ATAD1: variants seen among roughly 807,000 people sequenced by gnomAD.
ATAD1 encodes the protein outer mitochondrial transmembrane helix translocase.
Under a neutral mutation model 42.7 loss-of-function variants are expected in ATAD1, and 18 were observed. That is an observed-to-expected ratio of 0.42 (90% CI 0.29 to 0.63). The LOEUF is 0.63. Ranked by LOEUF, ATAD1 falls within the 20% of genes least tolerant of loss-of-function variation. The pLI is 0.19. For synonymous variants in ATAD1, 132 were observed against 143.1 expected (o/e 0.92, Z 0.55); for missense variants, 294 against 440.4 (o/e 0.67, Z 2.98).
chr10:87,818,423 C>T, upstream of ATAD1: 1 of 221,338 alleles, frequency 4.5e-6, no homozygotes, highest in Non-Finnish European at 7.6e-6. Context: ...TGTCTGCGAG[C>T]AGCACTCGCT....
chr10:87,785,218 G>T (rs1855769497), intron 4 of ATAD1, among the ~76,000 whole-genome samples: 1 of 152,034 alleles, frequency 6.6e-6, no homozygotes, highest in East Asian at 1.9e-4. Context: ...ATTAACCTAT[G>T]GTCTCCATTA....
At chr10:87,825,551 C>T (rs571711866) in intron 1 of ATAD1, among the ~76,000 whole-genome samples, 10 of 152,204 alleles carry the variant, frequency 6.6e-5, no homozygotes, top group Non-Finnish European at 8.8e-5. Flanking sequence ...CCTCATGATC[C>T]GCCCACCTCG....
chr10:87,823,250 A>G (rs1216506986), intron 1 of ATAD1, among the ~76,000 whole-genome samples: 3 of 152,196 alleles, frequency 2.0e-5, no homozygotes, highest in Non-Finnish European at 4.4e-5. Flanking sequence ...ATACTAATCC[A>G]CAATCTGCAT....
At chr10:87,800,027 G>C (rs1377575807) in intron 2 of ATAD1, among the ~76,000 whole-genome samples, 1 of 150,886 alleles carries the variant, frequency 6.6e-6, no homozygotes, top group Admixed American at 6.6e-5. Flanking sequence ...AGGATGGTCA[G>C]GACAAACCAC....
At chr10:87,794,639 T>G (rs572868066) in intron 2 of ATAD1, among the ~76,000 whole-genome samples, 1 of 152,270 alleles carries the variant, frequency 6.6e-6, no homozygotes, top group African/African-American at 2.4e-5. Flanking sequence ...ACAGCCTCCC[T>G]TTCCCCATCC....
chr10:87,839,218 CTTAA>C (rs1263967244), intron 1 of ATAD1, among the ~76,000 whole-genome samples: 1 of 152,110 alleles, frequency 6.6e-6, no homozygotes, highest in Non-Finnish European at 1.5e-5. Context: ...TAATTTATTG[CTTAA>C]TTGTTTGGTC....
chr10:87,808,544 C>T (rs1467311417), intron 2 of ATAD1, among the ~76,000 whole-genome samples: 2 of 152,056 alleles, frequency 1.3e-5, no homozygotes, highest in Non-Finnish European at 2.9e-5. Context: ...AGCAAGGCTC[C>T]GTCTAAAAGA....
At chr10:87,765,698 T>G (rs571536435) in intron 8 of ATAD1, among the ~76,000 whole-genome samples, 6 of 152,286 alleles carry the variant, frequency 3.9e-5, no homozygotes, top group Non-Finnish European at 5.9e-5. Flanking sequence ...ACAATATTCA[T>G]TCCATCCCTA....
upstream of ATAD1, among the ~76,000 whole-genome samples, chr10:87,822,499 G>T (rs1444596849): frequency 6.6e-6 from 1 of 152,158 alleles, no homozygotes; most frequent in Non-Finnish European, 1.5e-5. Flanking sequence ...CAGAACTGTA[G>T]GACATTATGT....
At chr10:87,775,215 G>A (rs966079709) in intron 6 of ATAD1, among the ~76,000 whole-genome samples, 4 of 151,830 alleles carry the variant, frequency 2.6e-5, no homozygotes, top group Admixed American at 2.0e-4. Context: ...GAGGTCAGGA[G>A]TTCAAGACTA....
At chr10:87,760,813 A>AGG (rs1469141429) in intron 8 of ATAD1, among the ~76,000 whole-genome samples, 4 of 152,196 alleles carry the variant, frequency 2.6e-5, no homozygotes, top group Non-Finnish European at 5.9e-5. Context: ...ATTTCAGGTC[A>AGG]GTTTGTATAG....
intron 3 of ATAD1, 72 bp from the exon 4 acceptor site, chr10:87,790,502 A>C: frequency 7.0e-7 from 1 of 1,438,650 alleles, no homozygotes; most frequent in African/African-American, 1.5e-5. Context: ...AACGCTCCCA[A>C]AATTACAAAT....
At chr10:87,805,862 C>T (rs1237325082) in intron 2 of ATAD1, among the ~76,000 whole-genome samples, 1 of 152,000 alleles carries the variant, frequency 6.6e-6, no homozygotes, top group East Asian at 1.9e-4. Flanking sequence ...AAATTACTCT[C>T]TCCAAGCTTA....
At chr10:87,825,979 A>G (rs1857721270) in intron 1 of ATAD1, among the ~76,000 whole-genome samples, 1 of 152,176 alleles carries the variant, frequency 6.6e-6, no homozygotes, top group South Asian at 2.1e-4. Flanking sequence ...CAGACACTGA[A>G]TGCACTTCTT....
intron 2 of ATAD1, among the ~76,000 whole-genome samples, chr10:87,811,937 T>C (rs948370971): frequency 1.3e-5 from 2 of 152,216 alleles, no homozygotes; most frequent in African/African-American, 4.8e-5. Flanking sequence ...TAAAAGATAT[T>C]ATAAGTCTTT....
intron 1 of ATAD1, among the ~76,000 whole-genome samples, chr10:87,834,858 G>A (rs1157091660): frequency 6.6e-6 from 1 of 151,724 alleles, no homozygotes; most frequent in South Asian, 2.1e-4. Context: ...GATCAGTGAC[G>A]TGAGAACTTT....
chr10:87,780,521 A>G (rs1447461769), intron 5 of ATAD1, among the ~76,000 whole-genome samples: 4 of 152,182 alleles, frequency 2.6e-5, no homozygotes, highest in Non-Finnish European at 5.9e-5. Flanking sequence ...TCTGGGGGGC[A>G]TATGGGAACT....
At chr10:87,796,914 T>C (rs184633219) in intron 2 of ATAD1, among the ~76,000 whole-genome samples, 14 of 152,330 alleles carry the variant, frequency 9.2e-5, no homozygotes, top group African/African-American at 2.9e-4. Context: ...TTTTGGAGTT[T>C]CACTTGCTTC....
At chr10:87,840,858 A>G (rs1858019378) in intron 1 of ATAD1, among the ~76,000 whole-genome samples, 1 of 152,246 alleles carries the variant, frequency 6.6e-6, no homozygotes, top group African/African-American at 2.4e-5. Context: ...ATGTAAAGTA[A>G]TATATGATGA....
Sources: allele counts gnomAD v4.1 joint callset (sites outside exome capture counted in the v4.1 genomes callset), GRCh38; gene constraint gnomAD v4.1.1; transcripts MANE v1.5; gene names NCBI Gene and HGNC (gene_info 2026-07-23, HGNC 2026-07-21).